The following ZNF157 variants were observed in gnomAD, a reference collection of about 807,000 sequenced individuals.
ZNF157 encodes zinc finger protein 22.
In ZNF157, 8 loss-of-function variants were observed where a neutral mutation model predicts 9.4. That is an observed-to-expected ratio of 0.85 (90% CI 0.50 to 1.53). The LOEUF is 1.53. Ranked by LOEUF, ZNF157 falls within the 40% of genes most tolerant of loss-of-function variation. The pLI is 0.00. For synonymous variants in ZNF157, 120 were observed against 130.8 expected (o/e 0.92, Z 0.56); for missense variants, 316 against 385.2 (o/e 0.82, Z 1.50).
intron 1 of ZNF157, among the ~76,000 whole-genome samples, chrX:47,404,702 T>G (rs1254884852): frequency 9.0e-6 from 1 of 111,378 alleles, no homozygotes; most frequent in East Asian, 2.8e-4. Flanking sequence ...ATATCTAGAC[T>G]TGGGTTTCAG....
At chrX:47,393,103 C>T (rs1013769336) in intron 1 of ZNF157, among the ~76,000 whole-genome samples, 3 of 108,083 alleles carry the variant, frequency 2.8e-5, no homozygotes, top group Non-Finnish European at 3.8e-5. Flanking sequence ...TGCAGTGAGC[C>T]GAGATCCTGC....
rs2055945396 is a variant in ZNF157 at position 47,405,834 on chromosome X, G to T, written c.73-4442G>T. On this transcript the variant is annotated intron_variant, in intron 1 of 3. Transcript: ENST00000377073. ...AAACATAGCTTTTACATATTTTTAG[G>T]TTTTTTTCATTTTTATTTTTCAGTT... 2.7e-5 allele frequency among the ~76,000 whole-genome samples: 3 copies of T among 110,125 alleles called. No individual in the cohort carries two copies. In the Admixed American group the frequency reaches 2.9e-4, roughly 11 times the overall value.
rs750909143 is a variant in ZNF157 at position 47,413,412 on chromosome X, T to A, written c.1339T>A (p.Cys447Ser). ...TGEKPYECSE[C>S]GNAFYVKVRL... The stretch of plus-strand genomic sequence containing the variant: ...AGAGAAACCTTATGAATGTAGTGAA[T>A]GTGGAAATGCCTTCTATGTGAAAGT... Residue 447 changes from cysteine to serine, a missense_variant, in exon 4 of 4, where the codon TGT becomes AGT. By Grantham distance (112) the Cys-to-Ser change is moderately radical (BLOSUM62 -1). Transcript: ENST00000377073. 1.2e-5 allele frequency: 14 copies of A among 1,211,835 alleles called. No individual in the cohort carries two copies. Among genetic ancestry groups the A allele is most frequent in the Non-Finnish European group, 1.5e-5 (13 of 895,527 alleles).
intron 1 of ZNF157, among the ~76,000 whole-genome samples, chrX:47,397,694 C>T (rs188408988): frequency 3.1e-4 from 35 of 111,828 alleles, no homozygotes; most frequent in African/African-American, 9.7e-4. Flanking sequence ...GGATTACAGG[C>T]GTGAGCCACC....
intron 1 of ZNF157, among the ~76,000 whole-genome samples, chrX:47,404,566 A>C (rs1044805862): frequency 9.0e-6 from 1 of 111,186 alleles, no homozygotes; most frequent in Admixed American, 9.7e-5. Flanking sequence ...GAAACTCAGA[A>C]ATGGACTCGA....
chrX:47,410,418 C>T lies in ZNF157; in HGVS notation c.199+16C>T, dbSNP rs775001505. ...GCATCTGTGGGTGAGGATGATTGTC[C>T]GTGTAACTCCTGAGAGCGTGTGTTT... On this transcript the variant is annotated intron_variant, in intron 2 of 3. Coordinates refer to ENST00000377073, the MANE Select transcript of ZNF157 (RefSeq NM_003446.4). 1.4e-5 allele frequency: 17 copies of T among 1,206,019 alleles called. No homozygotes were observed. The highest frequency in any genetic ancestry group is 4.6e-4 in the Middle Eastern group (2 of 4,357).
chrX:47,392,670 A>G (rs1280929170), intron 1 of ZNF157, among the ~76,000 whole-genome samples: 1 of 111,949 alleles, frequency 8.9e-6, no homozygotes, highest in Non-Finnish European at 1.9e-5. Flanking sequence ...GCATTACGGC[A>G]TCAGTTTCTG....
intron 1 of ZNF157, among the ~76,000 whole-genome samples, chrX:47,398,461 T>A (rs1411008801): frequency 9.0e-6 from 1 of 111,706 alleles, no homozygotes; most frequent in African/African-American, 3.3e-5. Flanking sequence ...CATGTATTCA[T>A]TCCTTTACTT....
intron 1 of ZNF157, among the ~76,000 whole-genome samples, chrX:47,383,684 G>GAAAAAA (rs11324804): frequency 4.8e-5 from 2 of 41,586 alleles, no homozygotes; most frequent in African/African-American, 9.3e-5. Context: ...CTCTGTCTCA[G>GAAAAAA]AAAAAAAAAA....
intron 1 of ZNF157, among the ~76,000 whole-genome samples, chrX:47,380,581 C>G (rs1017244714): frequency 9.1e-6 from 1 of 110,309 alleles, no homozygotes; most frequent in African/African-American, 3.3e-5. Context: ...CAGTTAAACT[C>G]GGCCATTTTG....
At chrX:47,408,820 C>T (rs944431326) in intron 1 of ZNF157, among the ~76,000 whole-genome samples, 1 of 111,484 alleles carries the variant, frequency 9.0e-6, no homozygotes, top group Non-Finnish European at 1.9e-5. Context: ...GATGACAGCA[C>T]CAAGGGAGGA....
chrX:47,388,379 T>C (rs1189466826), intron 1 of ZNF157, among the ~76,000 whole-genome samples: 1 of 109,357 alleles, frequency 9.1e-6, no homozygotes, highest in Non-Finnish European at 1.9e-5. Flanking sequence ...CCACTGTGCC[T>C]GGCTATGTGT....
chrX:47,375,167 C>T (rs1255182159), intron 1 of ZNF157, among the ~76,000 whole-genome samples: 2 of 106,536 alleles, frequency 1.9e-5, no homozygotes, highest in African/African-American at 6.8e-5. Context: ...CAGGTGTGCA[C>T]CACCATGCCT....
chrX:47,371,859 A>C (rs1439232498), intron 1 of ZNF157, among the ~76,000 whole-genome samples: 1 of 111,720 alleles, frequency 9.0e-6, no homozygotes, highest in East Asian at 2.8e-4. Flanking sequence ...CACCTGCCTC[A>C]GCCTCCCAAA....
At position 47,377,296 on chromosome X, in the gene ZNF157, GA is replaced by G. The variant is rs763043655; in HGVS notation, c.72+6557del. 1.9e-4 allele frequency among the ~76,000 whole-genome samples: 16 copies of G among 86,055 alleles called. No homozygotes were observed. In the East Asian group the frequency reaches 6.3e-3, roughly 34 times the overall value. 74.7% of individuals were successfully genotyped at this position (86,055 alleles called of 115,157 possible). Reference sequence around the variant, plus strand: ...CCCAAATGCTCGGGGAGACTGATTTGAGTATTAATACAACTCTGGGTCTTTG... The same window carrying G: ...CCCAAATGCTCGGGGAGACTGATTTGGTATTAATACAACTCTGGGTCTTTG... On this transcript the variant is annotated intron_variant, in intron 1 of 3. Transcript: ENST00000377073.
At chrX:47,372,422 T>A (rs184807531) in intron 1 of ZNF157, among the ~76,000 whole-genome samples, 1 of 110,192 alleles carries the variant, frequency 9.1e-6, no homozygotes, top group East Asian at 2.8e-4. Flanking sequence ...AGAGAGCGCA[T>A]GAAGACTCCA....
intron 1 of ZNF157, among the ~76,000 whole-genome samples, chrX:47,379,610 G>T (rs973653055): frequency 9.3e-6 from 1 of 107,272 alleles, no homozygotes; most frequent in East Asian, 2.9e-4. Flanking sequence ...TAGAGATGGG[G>T]TTTCACCATG....
intron 3 of ZNF157, among the ~76,000 whole-genome samples, chrX:47,411,358 AT>A (rs765329416): frequency 9.5e-6 from 1 of 105,326 alleles, no homozygotes; most frequent in Admixed American, 1.0e-4. Flanking sequence ...TTATTCTTTT[AT>A]TTTTTTGAGA....
chrX:47,394,562 T>C (rs2055907809), intron 1 of ZNF157, among the ~76,000 whole-genome samples: 1 of 112,123 alleles, frequency 8.9e-6, no homozygotes, highest in South Asian at 3.7e-4. Context: ...AGTATTTGTG[T>C]GGAAAGTACC....
Sources: gnomAD v4.1 joint callset for allele counts (sites outside exome capture counted in the v4.1 genomes callset) on GRCh38, gnomAD v4.1.1 for gene constraint, MANE v1.5 for transcripts, NCBI Gene and HGNC (gene_info 2026-07-23, HGNC 2026-07-21) for gene names.